Variants in MOB3A observed in about 807,000 individuals in gnomAD.
The protein encoded by MOB3A is MOB LAK.
MOB3A carries 17 observed loss-of-function variants against 17.8 expected under a neutral mutation model. The ratio of observed to expected loss-of-function variants is 0.95; its 90% CI spans 0.65 to 1.43. The LOEUF is 1.43. Ranked by LOEUF, MOB3A falls within the 40% of genes most tolerant of loss-of-function variation. MOB3A has a pLI of 0.00. For missense variants in MOB3A, 333 were observed against 310.8 expected (o/e 1.07, Z -0.54); for synonymous variants, 124 against 133.2 (o/e 0.93, Z 0.48).
chr19:2,073,133 G>T lies in MOB3A; in HGVS notation c.*262C>A. ...AGTGGAAGTGGTTTAAAAACACAGT[G>T]GGCTTTTCCGGTTGCTAGTAACACA... is the stretch of plus-strand genomic sequence containing the variant. On this transcript the variant is annotated 3_prime_UTR_variant, in exon 5 of 5. Coordinates refer to ENST00000357066, the MANE Select transcript of MOB3A (RefSeq NM_130807.3). 1.8e-6 allele frequency: 1 copy of T among 555,336 alleles called. No homozygotes were observed. The highest frequency in any genetic ancestry group is 3.2e-6 in the Non-Finnish European group (1 of 312,514). 34.4% of individuals were successfully genotyped at this position (555,336 alleles called of 1,614,324 possible). A position where few individuals can be genotyped will look rare whatever the true frequency, so the allele number is the denominator to read the frequency against.
At chr19:2,092,753 C>CAA (rs745800527) in intron 1 of MOB3A, among the ~76,000 whole-genome samples, 1,647 of 45,716 alleles carry the variant, frequency 0.036, 66 homozygotes, top group African/African-American at 0.09. Context: ...AACTCCATCT[C>CAA]AAAAAAAAAA....
At chr19:2,088,059 C>A (rs2017573299) in intron 1 of MOB3A, among the ~76,000 whole-genome samples, 1 of 152,176 alleles carries the variant, frequency 6.6e-6, no homozygotes, top group Non-Finnish European at 1.5e-5. Context: ...CAGTGGGGGT[C>A]TCACCTGGGG....
chr19:2,082,707 G>A lies in MOB3A; in HGVS notation c.-120+2468C>T, dbSNP rs1179886463. On this transcript the variant is annotated intron_variant, in intron 2 of 4. Coordinates refer to ENST00000357066, the MANE Select transcript of MOB3A (RefSeq NM_130807.3). This position sits in a 1 kb window ranked among gnomAD's most constrained non-coding sequence, Gnocchi z 4.1. ...TGCTCCACCACGGGGCCCCTCCACT[G>A]CCTAGCAGAGCCACGTGGATGCTCC... Among the ~76,000 whole-genome samples, 3 of 152,204 alleles carry A rather than the reference G, an allele frequency of 2.0e-5. No individual in the cohort carries two copies. Among genetic ancestry groups the A allele is most frequent in the Non-Finnish European group, 4.4e-5 (3 of 68,028 alleles).
chr19:2,088,403 A>G (rs754182502), intron 1 of MOB3A, among the ~76,000 whole-genome samples: 15 of 152,128 alleles, frequency 9.9e-5, no homozygotes, highest in Non-Finnish European at 1.5e-4. Flanking sequence ...TCCGGGGCTC[A>G]AGCAATCCTC....
intron 1 of MOB3A, among the ~76,000 whole-genome samples, chr19:2,085,983 A>C (rs1211948358): frequency 2.0e-5 from 3 of 151,046 alleles, no homozygotes; most frequent in Admixed American, 6.6e-5. Context: ...AAAAAAAAAA[A>C]AAAGGCAGCA....
chr19:2,078,140 C>T lies in MOB3A; in HGVS notation c.421G>A (p.Gly141Ser), dbSNP rs150299462. ...NNEDLFPTNV[G>S]TPFPKNFLQT... ...CGAGCCCCTGCCAGCTCTGACTCAC[C>T]AACGTTGGTGGGGAAGAGGTCCTCG... The change falls in exon 3 of 5, where the codon GGC (glycine) becomes AGC (serine). Residue 141 changes from glycine to serine, a missense_variant and splice_region_variant. Gly to Ser is a moderately conservative substitution (Grantham distance 56, BLOSUM62 0). Coordinates refer to ENST00000357066, the MANE Select transcript of MOB3A (RefSeq NM_130807.3). 235 of 1,564,450 alleles carry T rather than the reference C, an allele frequency of 1.5e-4. No individual in the cohort carries two copies. Among genetic ancestry groups the T allele is most frequent in the Non-Finnish European group, 2.0e-4 (226 of 1,150,214 alleles).
chr19:2,080,287 T>A (rs1412450023), intron 2 of MOB3A, among the ~76,000 whole-genome samples: 1 of 151,118 alleles, frequency 6.6e-6, no homozygotes, highest in Non-Finnish European at 1.5e-5. Context: ...GGAGAGGGAG[T>A]GAGGCCCACA....
chr19:2,088,553 C>T (rs189358916), intron 1 of MOB3A, among the ~76,000 whole-genome samples: 40 of 152,170 alleles, frequency 2.6e-4, no homozygotes, highest in Admixed American at 7.9e-4. Flanking sequence ...CTGCAACCTC[C>T]GCCTCACGGG....
At chr19:2,076,419 G>A (rs2017408975) in intron 4 of MOB3A, among the ~76,000 whole-genome samples, 1 of 152,180 alleles carries the variant, frequency 6.6e-6, no homozygotes, top group Admixed American at 6.5e-5. Context: ...GTGACAGAGT[G>A]AGACTCCGTC....
chr19:2,083,862 C>T (rs552120684), intron 2 of MOB3A, among the ~76,000 whole-genome samples: 291 of 152,330 alleles, frequency 1.9e-3, no homozygotes, highest in Non-Finnish European at 3.2e-3. Context: ...GGGCTGACTG[C>T]AGCCATGGGA....
At chr19:2,083,982 G>A (rs1393531703) in intron 2 of MOB3A, 4 of 318,906 alleles carry the variant, frequency 1.3e-5, no homozygotes, top group Non-Finnish European at 1.9e-5. Context: ...ACATTGCCCA[G>A]GCTGGTCTTG....
rs2017693494 is a variant in MOB3A at position 2,096,263 on chromosome 19, AC to A, written c.-312del. The A allele has an allele frequency of 6.4e-6, 1 of 156,212 alleles. No homozygotes were observed. The highest frequency in any genetic ancestry group is 1.6e-4 in the South Asian group (1 of 6,404). The allele number at this position is 156,212 out of a possible 1,614,324, so 9.7% of individuals were successfully genotyped here. A position where few individuals can be genotyped will look rare whatever the true frequency, so the allele number is the denominator to read the frequency against. On this transcript the variant is annotated 5_prime_UTR_variant, in exon 1 of 5. Coordinates refer to ENST00000357066, the MANE Select transcript of MOB3A (RefSeq NM_130807.3). Reference sequence around the variant, plus strand: ...GCCGCCCGCCTTCGCCCCTCCCGGTACCCAACTGGCCGCCTCGGCCGCCTCA... The same window carrying A: ...GCCGCCCGCCTTCGCCCCTCCCGGTACCAACTGGCCGCCTCGGCCGCCTCA...
At chr19:2,090,550 C>T (rs952780889) in intron 1 of MOB3A, among the ~76,000 whole-genome samples, 5 of 152,170 alleles carry the variant, frequency 3.3e-5, no homozygotes, top group African/African-American at 9.7e-5. Context: ...GAGAATGACT[C>T]AATACCCAGG....
intron 2 of MOB3A, among the ~76,000 whole-genome samples, chr19:2,081,607 C>T (rs979444535): frequency 4.6e-5 from 7 of 151,226 alleles, no homozygotes; most frequent in African/African-American, 1.7e-4. Context: ...CAAAACAGGC[C>T]TGGCGCGGTG....
chr19:2,076,677 G>T, intron 4 of MOB3A, 134 bp downstream of exon 4: 1 of 829,232 alleles, frequency 1.2e-6, no homozygotes, highest in Non-Finnish European at 1.9e-6. Context: ...GGGTCCCCGG[G>T]GCCCAACTCC....
At chr19:2,091,322 G>C (rs922617647) in intron 1 of MOB3A, among the ~76,000 whole-genome samples, 1 of 152,138 alleles carries the variant, frequency 6.6e-6, no homozygotes, top group Non-Finnish European at 1.5e-5. Flanking sequence ...GCTCTGACAC[G>C]GAAGGACACC....
chr19:2,077,987 G>A (rs2017434020), intron 3 of MOB3A, among the ~76,000 whole-genome samples, 153 bp downstream of exon 3: 3 of 152,052 alleles, frequency 2.0e-5, no homozygotes, highest in African/African-American at 4.8e-5. Flanking sequence ...ATCTTGCTAT[G>A]TTGCCCAGGC....
chr19:2,081,679 T>A (rs1043972146), intron 2 of MOB3A, among the ~76,000 whole-genome samples: 16 of 150,024 alleles, frequency 1.1e-4, no homozygotes, highest in African/African-American at 3.4e-4. Context: ...AGGTCAGGAG[T>A]TCAAGACCAG....
At chr19:2,087,271 T>C (rs2017564393) in intron 1 of MOB3A, among the ~76,000 whole-genome samples, 1 of 152,242 alleles carries the variant, frequency 6.6e-6, no homozygotes, top group Non-Finnish European at 1.5e-5. Flanking sequence ...TCAGTTACAG[T>C]TCAGGAGTAC....
Sources: allele counts gnomAD v4.1 joint callset (sites outside exome capture counted in the v4.1 genomes callset), GRCh38; gene constraint gnomAD v4.1.1; non-coding constraint Gnocchi (gnomAD v3.1); transcripts MANE v1.5; gene names NCBI Gene and HGNC (gene_info 2026-07-23, HGNC 2026-07-21).